The following RASGRP3 variants were observed in gnomAD, a reference collection of about 807,000 sequenced individuals.
RASGRP3 encodes the protein ras guanyl-releasing protein 3.
RASGRP3 carries 54 observed loss-of-function variants against 82.7 expected under a neutral mutation model. That is an observed-to-expected ratio of 0.65 (90% CI 0.52 to 0.82). The LOEUF (loss-of-function observed/expected upper bound fraction) is 0.82. Ranked by LOEUF, RASGRP3 falls within the 40% of genes least tolerant of loss-of-function variation. The pLI, the probability that RASGRP3 is intolerant of heterozygous loss-of-function variation, is 0.00. For missense variants in RASGRP3, 861 were observed against 828.9 expected (o/e 1.04, Z -0.48); for synonymous variants, 309 against 300.5 (o/e 1.03, Z -0.29).
chr2:33,461,145 GAGA>G (rs1450485308), intron 2 of RASGRP3, among the ~76,000 whole-genome samples: 6 of 152,156 alleles, frequency 3.9e-5, no homozygotes, highest in Admixed American at 3.9e-4. Context: ...CTCTCAATTT[GAGA>G]AGTTTTACCC....
chr2:33,519,957 G>T lies in RASGRP3; in HGVS notation c.179G>T (p.Arg60Leu). The T allele has an allele frequency of 6.2e-7, 1 of 1,609,082 alleles. No homozygotes were observed. The highest frequency in any genetic ancestry group is 8.5e-7 in the Non-Finnish European group (1 of 1,177,530). The change falls in exon 5 of 18, where the codon CGA becomes CTA. Residue 60 changes from arginine to leucine, a missense_variant. Arg to Leu is a moderately radical substitution (Grantham distance 102). Transcript: ENST00000403687. ...TTTTTCTTTAACTGGTTTACGTATC[G>T]AAATGCCACTGGAGAAAGCTGCAAT... The part of the protein sequence containing the change: ...ELAEKLLCMY[R>L]NATGESCNEF...
chr2:33,442,520 T>G (rs1665280982), intron 1 of RASGRP3, among the ~76,000 whole-genome samples: 1 of 152,260 alleles, frequency 6.6e-6, no homozygotes. Context: ...CTTGCTGTCA[T>G]GGCTGACAAT....
chr2:33,453,320 C>A (rs572676747), intron 2 of RASGRP3, among the ~76,000 whole-genome samples: 4 of 152,256 alleles, frequency 2.6e-5, no homozygotes, highest in African/African-American at 7.2e-5. Flanking sequence ...TTGATCTCAA[C>A]TGGGATTCTT....
intron 1 of RASGRP3, among the ~76,000 whole-genome samples, chr2:33,483,951 C>A (rs1197245180): frequency 2.6e-5 from 4 of 151,880 alleles, no homozygotes. Flanking sequence ...GGAGGAGCGA[C>A]AAGCTATGGA....
chr2:33,536,348 A>T (rs1392338166), intron 11 of RASGRP3, among the ~76,000 whole-genome samples: 2 of 150,828 alleles, frequency 1.3e-5, no homozygotes, highest in African/African-American at 4.9e-5. Flanking sequence ...CGACAGAAAG[A>T]AAAAAGAAAG....
intron 2 of RASGRP3, among the ~76,000 whole-genome samples, chr2:33,451,648 A>G (rs1019444188): frequency 6.6e-6 from 1 of 152,058 alleles, no homozygotes; most frequent in African/African-American, 2.4e-5. Flanking sequence ...TGCTGCTTTC[A>G]AAGTTTTTTC....
intron 10 of RASGRP3, 174 bp from the exon 11 acceptor site, chr2:33,534,149 G>A (rs1488048317): frequency 4.5e-5 from 26 of 577,594 alleles, no homozygotes; most frequent in Non-Finnish European, 7.1e-5. Flanking sequence ...CAGGATTAAC[G>A]TTTTCTCTTT....
chr2:33,444,393 A>C (rs570369471), intron 1 of RASGRP3, among the ~76,000 whole-genome samples: 30 of 152,222 alleles, frequency 2.0e-4, no homozygotes, highest in Non-Finnish European at 3.8e-4. Context: ...ACCACTAATA[A>C]AAACTTTATA....
At chr2:33,558,077 G>T (rs1676207970) in intron 15 of RASGRP3, 134 bp from the exon 16 acceptor site, 1 of 1,199,896 alleles carries the variant, frequency 8.3e-7, no homozygotes, top group Non-Finnish European at 1.2e-6. Context: ...CACCCCATGG[G>T]CCTGAGCTCA....
chr2:33,474,446 A>G (rs1369571626), upstream of RASGRP3, among the ~76,000 whole-genome samples: 1 of 152,042 alleles, frequency 6.6e-6, no homozygotes, highest in Non-Finnish European at 1.5e-5. Flanking sequence ...TCCCAGGTTC[A>G]AGCACACCAC....
chr2:33,519,310 C>A (rs1162684260), intron 4 of RASGRP3, among the ~76,000 whole-genome samples: 1 of 152,184 alleles, frequency 6.6e-6, no homozygotes, highest in South Asian at 2.1e-4. Context: ...AATACAAAAT[C>A]TTTTTGGTTA....
At position 33,500,630 on chromosome 2, in the gene RASGRP3, T is replaced by C. The variant is rs75328438; in HGVS notation, c.-260-11080T>C. On this transcript the variant is annotated intron_variant, in intron 1 of 17. Transcript: ENST00000403687. ...ACCAAGGAAGGAAATATGGGAGATA[T>C]AGCAGGTTAAAAAAATGAGAAGGAG... Among the ~76,000 whole-genome samples, 7 of 152,016 alleles carry C rather than the reference T, an allele frequency of 4.6e-5. No homozygotes were observed. In the East Asian group the frequency reaches 1.4e-3, roughly 29 times the overall value.
intron 4 of RASGRP3, among the ~76,000 whole-genome samples, chr2:33,517,879 G>T (rs1157775371): frequency 6.6e-6 from 1 of 152,202 alleles, no homozygotes; most frequent in African/African-American, 2.4e-5. Context: ...AAGACTGCCT[G>T]TGAATCGACA....
At chr2:33,480,381 C>T (rs144009883) in intron 1 of RASGRP3, among the ~76,000 whole-genome samples, 5 of 152,240 alleles carry the variant, frequency 3.3e-5, no homozygotes, top group Admixed American at 1.3e-4. Context: ...ATTCCACCTG[C>T]CTGCTGCCTC....
At position 33,524,521 on chromosome 2, in the gene RASGRP3, T is replaced by C. The variant is rs1672335824; in HGVS notation, c.780T>C (p.His260=). 8 of 1,598,676 alleles carry C rather than the reference T, an allele frequency of 5.0e-6. No homozygotes were observed. Among genetic ancestry groups the C allele is most frequent in the Non-Finnish European group, 6.0e-6 (7 of 1,171,362 alleles). ...CCATTTCACGCCTCAAAGAGACCCA[T>C]TCTCATCTTTCTTCAGAAGTTACAA... ...HSSISRLKET[H]SHLSSEVTKN... The change falls in exon 9 of 18, where the codon CAT becomes CAC. Residue 260 remains histidine, a synonymous_variant. Coordinates refer to ENST00000403687, the MANE Select transcript of RASGRP3 (RefSeq NM_001139488.2).
chr2:33,484,131 C>A (rs556564668), intron 1 of RASGRP3, among the ~76,000 whole-genome samples: 1 of 152,268 alleles, frequency 6.6e-6, no homozygotes, highest in African/African-American at 2.4e-5. Flanking sequence ...CCTAAATTAA[C>A]TTTGGGAAGA....
chr2:33,490,954 A>AT (rs1187674260), intron 1 of RASGRP3, among the ~76,000 whole-genome samples: 2 of 152,194 alleles, frequency 1.3e-5, no homozygotes, highest in South Asian at 2.1e-4. Context: ...AAACAGATAC[A>AT]TTTTTTTCTG....
chr2:33,531,341 C>A (rs4670659), intron 10 of RASGRP3, among the ~76,000 whole-genome samples: 119,980 of 152,196 alleles, frequency 0.79, 47,338 homozygotes, highest in Admixed American at 0.83. Context: ...ATTATAAAAA[C>A]GTTGTGCAGA....
intron 7 of RASGRP3, among the ~76,000 whole-genome samples, chr2:33,522,809 C>T (rs961666562): frequency 6.6e-6 from 1 of 152,174 alleles, no homozygotes. Flanking sequence ...TACATTATTG[C>T]GTGCAAAGAA....
Sources: allele counts gnomAD v4.1 joint callset (sites outside exome capture counted in the v4.1 genomes callset), GRCh38; gene constraint gnomAD v4.1.1; transcripts MANE v1.5; gene names NCBI Gene and HGNC (gene_info 2026-07-23, HGNC 2026-07-21).